Variants in PTPN5 observed in about 807,000 individuals in gnomAD.
PTPN5 encodes the protein tyrosine-protein phosphatase non-receptor type 5.
A neutral mutation model predicts 73.9 loss-of-function variants in PTPN5; 29 were observed. The observed-to-expected ratio is 0.39, with a 90% CI of 0.29 to 0.54. The LOEUF (loss-of-function observed/expected upper bound fraction) is 0.54, where lower values mean the gene tolerates loss of function less well. Among genes scored for constraint, PTPN5 ranks in the 20% least tolerant of loss-of-function variants. PTPN5 has a pLI of 0.65. For synonymous variants in PTPN5, 267 were observed against 304.7 expected (o/e 0.88, Z 1.29); for missense variants, 652 against 751.4 (o/e 0.87, Z 1.55).
intron 1 of PTPN5, 136 bp downstream of exon 1, chr11:18,791,389 T>TGGCGGG (rs1851919363): frequency 6.6e-6 from 1 of 152,140 alleles, no homozygotes; most frequent in Non-Finnish European, 1.5e-5. Context: ...CACGGGGGCG[T>TGGCGGG]GGCGGGGGCG....
intron 2 of PTPN5, among the ~76,000 whole-genome samples, chr11:18,769,773 A>C (rs1174518106): frequency 6.6e-6 from 1 of 152,188 alleles, no homozygotes; most frequent in African/African-American, 2.4e-5. Flanking sequence ...GGGTAGAGCA[A>C]ATAGAAAGAG....
At chr11:18,734,299 G>A (rs1340642110) in intron 9 of PTPN5, among the ~76,000 whole-genome samples, 2 of 152,082 alleles carry the variant, frequency 1.3e-5, no homozygotes, top group Non-Finnish European at 2.9e-5. Context: ...TATGCAAAAA[G>A]GTTTTTTTTC....
In PTPN5 at chr11:18,743,040, A is replaced by C; in HGVS notation, c.435T>G (p.Ser145Arg). The change falls in exon 6 of 15, where the codon AGT becomes AGG. Residue 145 changes from serine (S) to arginine (R), a missense_variant. By Grantham distance (110) the Ser-to-Arg change is moderately radical. Coordinates refer to ENST00000358540, the MANE Select transcript of PTPN5 (RefSeq NM_006906.2). ...CCACGGACAGAAAGACCAGCAGCAG[A>C]CTGGGGACTCCCCACGTCCCAGAGT... The part of the protein sequence containing the change: ...WLDSGTWGVP[S>R]LLLVFLSVGL... 6.4e-7 allele frequency: 1 copy of C among 1,551,876 alleles called. No homozygotes were observed. Among genetic ancestry groups the C allele is most frequent in the Non-Finnish European group, 8.7e-7 (1 of 1,147,050 alleles).
chr11:18,780,642 C>G (rs1266850788), intron 1 of PTPN5, among the ~76,000 whole-genome samples: 1 of 152,164 alleles, frequency 6.6e-6, no homozygotes, highest in Non-Finnish European at 1.5e-5. Flanking sequence ...CTGGCTCAAT[C>G]CTTCCCCCAG....
chr11:18,749,477 T>TGGGGG, intron 3 of PTPN5: 1 of 195,832 alleles, frequency 5.1e-6, no homozygotes, highest in Non-Finnish European at 1.0e-5. Flanking sequence ...ATGTCTGGGG[T>TGGGGG]CGGGGGAGGG....
At chr11:18,778,115 G>T (rs886652773) in intron 1 of PTPN5, among the ~76,000 whole-genome samples, 3 of 152,162 alleles carry the variant, frequency 2.0e-5, no homozygotes, top group Non-Finnish European at 4.4e-5. Flanking sequence ...GAGTCATGCT[G>T]CCAGTCTCAG....
chr11:18,743,379 C>T lies in PTPN5; in HGVS notation c.342G>A (p.Gln114=), dbSNP rs1224146533. Residue 114 remains glutamine (Q), a synonymous_variant, in exon 5 of 15, where the codon CAG becomes CAA. Coordinates refer to ENST00000358540, the MANE Select transcript of PTPN5 (RefSeq NM_006906.2). The part of the protein sequence containing the change: ...WFSGYGHIWS[Q]NATNLVSSLL... ...AAGAGGAGACGAGGTTTGTGGCGTT[C>T]TGTGACCAGATGTGGCCATAACCGC... is the stretch of plus-strand genomic sequence containing the variant. 2 of 1,614,172 alleles carry T rather than the reference C, an allele frequency of 1.2e-6. No individual in the cohort carries two copies. Among genetic ancestry groups the T allele is most frequent in the Admixed American group, 1.7e-5 (1 of 60,022 alleles).
intron 2 of PTPN5, among the ~76,000 whole-genome samples, chr11:18,767,445 G>C (rs1418737826): frequency 6.6e-6 from 1 of 152,158 alleles, no homozygotes; most frequent in East Asian, 1.9e-4. Context: ...AATGTCTCTG[G>C]AGTCCCTCCA....
intron 8 of PTPN5, among the ~76,000 whole-genome samples, chr11:18,738,903 C>T (rs913547748): frequency 6.8e-6 from 1 of 147,744 alleles, no homozygotes; most frequent in Non-Finnish European, 1.5e-5. Flanking sequence ...AACTGGAAGG[C>T]GGAGGTTGCA....
At chr11:18,770,115 A>C (rs755169123) in intron 2 of PTPN5, among the ~76,000 whole-genome samples, 3 of 152,238 alleles carry the variant, frequency 2.0e-5, no homozygotes, top group Admixed American at 1.3e-4. Flanking sequence ...ATCTGGTCTG[A>C]AACTACTCTT....
At chr11:18,757,945 G>A (rs1230500032) in intron 3 of PTPN5, among the ~76,000 whole-genome samples, 1 of 152,192 alleles carries the variant, frequency 6.6e-6, no homozygotes, top group Non-Finnish European at 1.5e-5. Context: ...TGTGCTCTTT[G>A]AAGTAGCAGG....
At chr11:18,762,588 TTTAA>T (rs1850447986) in intron 3 of PTPN5, among the ~76,000 whole-genome samples, 1 of 152,180 alleles carries the variant, frequency 6.6e-6, no homozygotes, top group Non-Finnish European at 1.5e-5. Context: ...TCTTCATGGC[TTTAA>T]TTGTCTTCAT....
intron 1 of PTPN5, among the ~76,000 whole-genome samples, chr11:18,773,988 A>G (rs1328388041): frequency 1.3e-5 from 2 of 152,076 alleles, no homozygotes; most frequent in Non-Finnish European, 2.9e-5. Flanking sequence ...GAAGGCCATC[A>G]CCTCTTTGCA....
rs1851945672 is a variant in PTPN5, at chr11:18,791,784, T to A, written c.-373A>T. Reference sequence around the variant, plus strand: ...CGCCCGACCGCCTCACCAAATGCGCTTCAGCTGCAGAGTCGCTGGCGCAGC... The same window carrying A: ...CGCCCGACCGCCTCACCAAATGCGCATCAGCTGCAGAGTCGCTGGCGCAGC... On this transcript the variant is annotated 5_prime_UTR_variant, in exon 1 of 15. The change creates a new upstream start codon in the 5' untranslated region. Transcript: ENST00000358540. 1 of 151,910 alleles carries A rather than the reference T, an allele frequency of 6.6e-6. No individual in the cohort carries two copies. The highest frequency in any genetic ancestry group is 2.4e-5 in the African/African-American group (1 of 41,358). 9.4% of individuals were successfully genotyped at this position (151,910 alleles called of 1,614,324 possible).
At chr11:18,787,030 A>C (rs1851704120) in intron 1 of PTPN5, among the ~76,000 whole-genome samples, 1 of 152,206 alleles carries the variant, frequency 6.6e-6, no homozygotes, top group Admixed American at 6.5e-5. Context: ...AGGAGGATGA[A>C]GAAAGACCAA....
In PTPN5 at chr11:18,743,319, T is replaced by C. The variant is rs762391109; in HGVS notation, c.399+3A>G. ...ACCCTAGGACTCCCCAAAGCTTACT[T>C]ACCGTGGGTTCCAGCTGTTTCAGGA... On this transcript the variant is annotated splice_donor_region_variant and intron_variant, in intron 5 of 14. Coordinates refer to ENST00000358540, the MANE Select transcript of PTPN5 (RefSeq NM_006906.2). The C allele has an allele frequency of 2.5e-5, 41 of 1,614,012 alleles. No individual in the cohort carries two copies. The highest frequency in any genetic ancestry group is 3.5e-5 in the Non-Finnish European group (41 of 1,179,878).
chr11:18,737,178 G>T (rs1031239117), intron 9 of PTPN5, among the ~76,000 whole-genome samples: 1 of 152,196 alleles, frequency 6.6e-6, no homozygotes, highest in Non-Finnish European at 1.5e-5. Context: ...AGGGTGGCAG[G>T]CTCATCGAGG....
At position 18,728,980 on chromosome 11, in the gene PTPN5, A is replaced by G; in HGVS notation, c.1652T>C (p.Val551Ala). 1 of 1,613,692 alleles carries G rather than the reference A, an allele frequency of 6.2e-7. No individual in the cohort carries two copies. Among genetic ancestry groups the G allele is most frequent in the African/African-American group, 1.3e-5 (1 of 74,992 alleles). The change falls in exon 15 of 15, where the codon GTC (valine) becomes GCC (alanine). Residue 551 changes from valine (V) to alanine (A), a missense_variant. Transcript: ENST00000358540. The surrounding 1 kb of genome is among the most constrained non-coding windows in gnomAD (Gnocchi z 4.1). ...TCEQYQFVHHVMSLYEKQLSH... is the reference protein window; with the variant it reads ...TCEQYQFVHHAMSLYEKQLSH... ...CAGCTGCTTTTCGTAGAGGCTCATG[A>G]CGTGGTGCACAAACTGGTACTGCTC...
rs1255104656 is a variant in PTPN5, at chr11:18,754,380, G to T, written c.98-10181C>A. Among the ~76,000 whole-genome samples, 5 of 152,188 alleles carry T rather than the reference G, an allele frequency of 3.3e-5. No homozygotes were observed. In the East Asian group the frequency reaches 9.6e-4, roughly 29 times the overall value. On this transcript the variant is annotated intron_variant, in intron 3 of 14. Coordinates refer to ENST00000358540, the MANE Select transcript of PTPN5 (RefSeq NM_006906.2). Reference sequence around the variant, plus strand: ...GAGCTGCAGCACAGCCGACTGTCAAGGAGACCCCTGAATCTCCTTTCCTCC... The same window carrying T: ...GAGCTGCAGCACAGCCGACTGTCAATGAGACCCCTGAATCTCCTTTCCTCC...
Sources: allele counts gnomAD v4.1 joint callset (sites outside exome capture counted in the v4.1 genomes callset), GRCh38; gene constraint gnomAD v4.1.1; non-coding constraint Gnocchi (gnomAD v3.1); transcripts MANE v1.5; gene names NCBI Gene and HGNC (gene_info 2026-07-23, HGNC 2026-07-21).